Variants in ASTN2 observed in about 807,000 individuals in gnomAD.
ASTN2 encodes astrotactin-2.
ASTN2 carries 54 observed loss-of-function variants against 139.8 expected under a neutral mutation model. That is an observed-to-expected ratio of 0.39 (90% CI 0.31 to 0.48). ASTN2 has a LOEUF of 0.48. Among genes scored for constraint, ASTN2 ranks in the 20% least tolerant of loss-of-function variants. ASTN2 has a pLI of 0.95. For synonymous variants in ASTN2, 756 were observed against 719.5 expected (o/e 1.05, Z -0.81); for missense variants, 1,565 against 1,725.1 (o/e 0.91, Z 1.64).
intron 5 of ASTN2, among the ~76,000 whole-genome samples, chr9:117,056,552 T>C (rs956675789): frequency 1.3e-5 from 2 of 152,134 alleles, no homozygotes; most frequent in African/African-American, 2.4e-5. Context: ...TGCTTGGCTA[T>C]TTTACTGAAG....
intron 2 of ASTN2, among the ~76,000 whole-genome samples, chr9:117,225,800 A>G (rs1006023701): frequency 2.0e-5 from 3 of 151,852 alleles, no homozygotes; most frequent in African/African-American, 7.3e-5. Flanking sequence ...AAGATCGGAT[A>G]AGGTGATATG....
intron 13 of ASTN2, among the ~76,000 whole-genome samples, chr9:116,788,974 G>A (rs1830455641): frequency 6.6e-6 from 1 of 152,072 alleles, no homozygotes; most frequent in African/African-American, 2.4e-5. Flanking sequence ...AAATTTAATT[G>A]CAATTTAGCT....
chr9:116,742,818 C>T (rs1829129220), intron 13 of ASTN2, among the ~76,000 whole-genome samples: 1 of 152,180 alleles, frequency 6.6e-6, no homozygotes, highest in South Asian at 2.1e-4. Flanking sequence ...CTTGGCATAA[C>T]TCCTTCGCTC....
chr9:116,614,550 G>C (rs1855736755), intron 19 of ASTN2, among the ~76,000 whole-genome samples: 1 of 151,996 alleles, frequency 6.6e-6, no homozygotes, highest in Admixed American at 6.6e-5. Context: ...ACACAATAGA[G>C]CCCCCGGAAA....
chr9:116,484,745 C>A (rs998787408), intron 20 of ASTN2, among the ~76,000 whole-genome samples: 57 of 152,218 alleles, frequency 3.7e-4, no homozygotes, highest in African/African-American at 1.3e-3. Flanking sequence ...AAGCACATTT[C>A]CAGGACAGAG....
intron 19 of ASTN2, among the ~76,000 whole-genome samples, chr9:116,586,860 A>ACG (rs1854179685): frequency 1.3e-5 from 2 of 151,248 alleles, no homozygotes; most frequent in East Asian, 1.9e-4. Flanking sequence ...ACACACACAC[A>ACG]CGTATGTATA....
In ASTN2 at chr9:117,414,769, C is replaced by G. The variant is rs1831281026; in HGVS notation, c.170G>C (p.Arg57Pro). 5 of 1,264,772 alleles carry G rather than the reference C, an allele frequency of 4.0e-6. No homozygotes were observed. Among genetic ancestry groups the G allele is most frequent in the South Asian group, 2.3e-5 (1 of 44,388 alleles). 78.3% of individuals were successfully genotyped at this position (1,264,772 alleles called of 1,614,324 possible). Reference protein sequence around the residue: ...LLAGATAAASREPDSPCRLKT... With the variant: ...LLAGATAAASPEPDSPCRLKT... ...CAGCCGGCACGGGCTGTCGGGCTCC[C>G]GCGAGGCAGCGGCGGTGGCGCCGGC... Residue 57 changes from arginine to proline, a missense_variant, in exon 1 of 23, where the codon CGG becomes CCG. This residue lies in a region of ASTN2 where 596 missense variants were observed against 576.8 expected (regional missense o/e 1.03). Transcript: ENST00000313400. This position sits in a 1 kb window ranked among gnomAD's most constrained non-coding sequence, Gnocchi z 4.2.
intron 1 of ASTN2, among the ~76,000 whole-genome samples, chr9:117,389,148 G>C (rs1322567717): frequency 6.6e-6 from 1 of 152,184 alleles, no homozygotes; most frequent in Admixed American, 6.5e-5. Context: ...TCTTCCCTTT[G>C]CTCACAATCC....
intron 16 of ASTN2, among the ~76,000 whole-genome samples, chr9:116,674,623 C>A (rs1241302494): frequency 6.6e-6 from 1 of 152,184 alleles, no homozygotes; most frequent in African/African-American, 2.4e-5. Flanking sequence ...TCAGCCAAAT[C>A]TTTTACTGAA....
At chr9:116,917,434 AGATGAC>A (rs1473489792) in intron 10 of ASTN2, among the ~76,000 whole-genome samples, 1 of 152,206 alleles carries the variant, frequency 6.6e-6, no homozygotes, top group East Asian at 1.9e-4. Flanking sequence ...AGATTACTAT[AGATGAC>A]CCATCAATGT....
intron 10 of ASTN2, among the ~76,000 whole-genome samples, chr9:116,914,393 T>C (rs908197139): frequency 1.3e-5 from 2 of 152,072 alleles, no homozygotes; most frequent in East Asian, 1.9e-4. Context: ...GGAGAATGCA[T>C]CTAATTCCTG....
intron 10 of ASTN2, among the ~76,000 whole-genome samples, chr9:116,904,506 T>C (rs1834103757): frequency 6.6e-6 from 1 of 152,158 alleles, no homozygotes; most frequent in East Asian, 1.9e-4. Flanking sequence ...TTACTACCTA[T>C]GGGACCTCAG....
intron 17 of ASTN2, among the ~76,000 whole-genome samples, chr9:116,647,595 ATG>A (rs1164784865): frequency 6.6e-6 from 1 of 152,204 alleles, no homozygotes; most frequent in Non-Finnish European, 1.5e-5. Context: ...ATCTATTGCT[ATG>A]CATGTGCCAA....
At chr9:116,944,146 A>G (rs924698412) in intron 10 of ASTN2, among the ~76,000 whole-genome samples, 6 of 152,174 alleles carry the variant, frequency 3.9e-5, no homozygotes, top group African/African-American at 4.8e-5. Flanking sequence ...AAAAAAGAGA[A>G]CTAAAGCAGA....
chr9:117,262,543 C>T (rs1452532281), intron 2 of ASTN2, among the ~76,000 whole-genome samples: 1 of 152,076 alleles, frequency 6.6e-6, no homozygotes, highest in Non-Finnish European at 1.5e-5. Context: ...TGGCCTGAGT[C>T]TCAGTTCAGG....
At position 117,053,303 on chromosome 9, in the gene ASTN2, C is replaced by T. The variant is rs942184752; in HGVS notation, c.1277-13338G>A. ...CCCATCTCTACATAAAACTTAAAAA[C>T]TAGCTGGATGTGGTTGTGCATACCT... On this transcript the variant is annotated intron_variant, in intron 5 of 22. Transcript: ENST00000313400. Among the ~76,000 whole-genome samples the T allele has an allele frequency of 3.9e-5, 6 of 152,068 alleles. No homozygotes were observed. In the South Asian group the frequency reaches 1.0e-3, roughly 26 times the overall value.
chr9:116,652,350 A>T (rs803911), intron 16 of ASTN2, among the ~76,000 whole-genome samples: 84,476 of 151,906 alleles, frequency 0.56, 24,087 homozygotes, highest in East Asian at 0.86. Flanking sequence ...AAAAATAAAT[A>T]AATTAATTAA....
chr9:116,667,318 A>T (rs1858927956), intron 16 of ASTN2, among the ~76,000 whole-genome samples: 1 of 152,114 alleles, frequency 6.6e-6, no homozygotes. Flanking sequence ...GGTAATTTGA[A>T]TATGAAATGC....
chr9:116,634,520 G>C (rs1482076359), intron 17 of ASTN2, among the ~76,000 whole-genome samples: 1 of 149,662 alleles, frequency 6.7e-6, no homozygotes, highest in Non-Finnish European at 1.5e-5. Context: ...AACCCGGGAG[G>C]CGGAGCTTGC....
Sources: allele counts gnomAD v4.1 joint callset (sites outside exome capture counted in the v4.1 genomes callset), GRCh38; gene constraint gnomAD v4.1.1; regional missense constraint gnomAD v4.1.1; non-coding constraint Gnocchi (gnomAD v3.1); transcripts MANE v1.5; gene names NCBI Gene and HGNC (gene_info 2026-07-23, HGNC 2026-07-21).